The following CPS1 variants were observed in gnomAD, a reference collection of about 807,000 sequenced individuals.
The protein encoded by CPS1 is carbamoyl-phosphate synthase [ammonia], mitochondrial.
In CPS1, 109 loss-of-function variants were observed where a neutral mutation model predicts 174.6. The ratio of observed to expected loss-of-function variants is 0.62; its 90% CI spans 0.53 to 0.73. CPS1 has a LOEUF of 0.73. Ranked by LOEUF, CPS1 falls within the 30% of genes least tolerant of loss-of-function variation. The pLI is 0.00. For synonymous variants in CPS1, 637 were observed against 632.0 expected, an observed-to-expected ratio of 1.01 and a Z score of -0.12; for missense variants, 1,689 against 1,821.9, an observed-to-expected ratio of 0.93 and a Z score of 1.33.
chr2:210,615,200 G>A (rs902710399), intron 20 of CPS1, among the ~76,000 whole-genome samples: 2 of 152,000 alleles, frequency 1.3e-5, no homozygotes, highest in East Asian at 2.0e-4. Context: ...ACCTCACAGT[G>A]TAGATGGCCG....
At position 210,631,598 on chromosome 2, in the gene CPS1, A is replaced by G. The variant is rs981208170; in HGVS notation, c.2688-6104A>G. 5.3e-5 allele frequency among the ~76,000 whole-genome samples: 8 copies of G among 152,160 alleles called. No homozygotes were observed. The East Asian group carries it at 1.5e-3, about 29-fold the overall frequency. On this transcript the variant is annotated intron_variant, in intron 21 of 37. Coordinates refer to ENST00000233072, the MANE Select transcript of CPS1 (RefSeq NM_001875.5). ...TTTTTCACCTTCTAAAATTTCAGTC[A>G]TTTTGTGCTGCTAAGTAGAAAGAAA... is the stretch of plus-strand genomic sequence containing the variant.
At chr2:210,623,050 C>G (rs915448451) in intron 21 of CPS1, among the ~76,000 whole-genome samples, 2 of 152,008 alleles carry the variant, frequency 1.3e-5, no homozygotes, top group Admixed American at 1.3e-4. Context: ...AGATGGCCAG[C>G]CTCTGCTTTT....
chr2:210,537,464 C>T (rs527453716), intron 1 of CPS1, among the ~76,000 whole-genome samples: 15 of 152,284 alleles, frequency 9.9e-5, no homozygotes, highest in African/African-American at 2.6e-4. Flanking sequence ...GTCTGCCACA[C>T]ATAAGTAGCA....
At chr2:210,526,723 T>C (rs1046022054) in intron 1 of CPS1, among the ~76,000 whole-genome samples, 14 of 152,020 alleles carry the variant, frequency 9.2e-5, no homozygotes, top group Admixed American at 8.5e-4. Flanking sequence ...TGGGAAGCAG[T>C]AGGAAACTGA....
intron 1 of CPS1, among the ~76,000 whole-genome samples, chr2:210,481,573 G>A (rs1427640589): frequency 6.6e-6 from 1 of 152,222 alleles, no homozygotes. Flanking sequence ...GTACACCCTG[G>A]CAGGGGAGAG....
chr2:210,529,545 A>G (rs1035846024), intron 1 of CPS1, among the ~76,000 whole-genome samples: 4 of 152,006 alleles, frequency 2.6e-5, no homozygotes, highest in African/African-American at 9.7e-5. Context: ...GCATCTTGAG[A>G]GAAAACAATG....
chr2:210,537,541 T>G (rs1470721260), intron 1 of CPS1, among the ~76,000 whole-genome samples: 1 of 152,140 alleles, frequency 6.6e-6, no homozygotes, highest in Non-Finnish European at 1.5e-5. Context: ...GCTTTCTAGG[T>G]GTTACAGGTG....
intron 29 of CPS1, 63 bp downstream of exon 29, chr2:210,654,165 T>C: frequency 7.2e-7 from 1 of 1,391,978 alleles, no homozygotes; most frequent in Non-Finnish European, 1.0e-6. Context: ...TTTAACAATT[T>C]TGAAATATTG....
At chr2:210,663,298 C>T (rs1227304676) in intron 33 of CPS1, 101 bp downstream of exon 33, 3 of 1,130,192 alleles carry the variant, frequency 2.7e-6, no homozygotes, top group Non-Finnish European at 2.6e-6. Flanking sequence ...AAAACATCTG[C>T]TATCAGAGTA....
At chr2:210,594,332 A>G (rs1698410900) in intron 11 of CPS1, among the ~76,000 whole-genome samples, 176 bp from the exon 12 acceptor site, 3 of 151,946 alleles carry the variant, frequency 2.0e-5, no homozygotes, top group Admixed American at 2.0e-4. Flanking sequence ...TATTTGATTA[A>G]ATTCTCACAC....
chr2:210,595,346 TA>T, intron 12 of CPS1, 140 bp from the exon 13 acceptor site: 2 of 666,070 alleles, frequency 3.0e-6, no homozygotes, highest in East Asian at 5.3e-5. Context: ...TTTTTCCCTA[TA>T]TATTACATAT....
At chr2:210,616,156 G>A (rs969546684) in intron 20 of CPS1, among the ~76,000 whole-genome samples, 4 of 151,956 alleles carry the variant, frequency 2.6e-5, no homozygotes, top group African/African-American at 9.7e-5. Flanking sequence ...ATAAAGAGGA[G>A]CGAGTCAAAA....
intron 21 of CPS1, 131 bp from the exon 22 acceptor site, chr2:210,637,569 TAA>T: frequency 1.1e-6 from 1 of 948,664 alleles, no homozygotes; most frequent in Non-Finnish European, 1.7e-6. Flanking sequence ...TGTGTATTTT[TAA>T]AAGATAACAA....
At chr2:210,559,824 T>G (rs942415426) in intron 1 of CPS1, among the ~76,000 whole-genome samples, 2 of 152,274 alleles carry the variant, frequency 1.3e-5, no homozygotes, top group African/African-American at 4.8e-5. Flanking sequence ...ACTGATTTAC[T>G]TGACAAATTA....
At chr2:210,638,313 T>C (rs892679509) in intron 22 of CPS1, among the ~76,000 whole-genome samples, 10 of 152,170 alleles carry the variant, frequency 6.6e-5, no homozygotes, top group Non-Finnish European at 8.8e-5. Context: ...TAGTATTCAT[T>C]GTGATAGGGC....
intron 25 of CPS1, among the ~76,000 whole-genome samples, chr2:210,645,154 C>T (rs1005250315): frequency 2.0e-5 from 3 of 152,066 alleles, no homozygotes; most frequent in Admixed American, 6.6e-5. Flanking sequence ...TAACATTTTA[C>T]AAACATGTTC....
intron 1 of CPS1, among the ~76,000 whole-genome samples, chr2:210,526,521 G>A (rs896765859): frequency 7.2e-5 from 11 of 152,004 alleles, no homozygotes; most frequent in African/African-American, 1.2e-4. Context: ...TAATATGTCC[G>A]TTTTAACATA....
intron 1 of CPS1, among the ~76,000 whole-genome samples, chr2:210,480,804 G>C (rs1052868292): frequency 1.3e-5 from 2 of 152,116 alleles, no homozygotes; most frequent in Non-Finnish European, 2.9e-5. Context: ...TAAAGCAAGA[G>C]CATCTAAGCT....
chr2:210,662,116 A>G (rs778849476), intron 32 of CPS1, among the ~76,000 whole-genome samples: 2 of 151,792 alleles, frequency 1.3e-5, no homozygotes, highest in Admixed American at 6.6e-5. Flanking sequence ...GGGTTTTGCC[A>G]TGTTGGCAAA....
Sources: gnomAD v4.1 joint callset for allele counts (sites outside exome capture counted in the v4.1 genomes callset) on GRCh38, gnomAD v4.1.1 for gene constraint, MANE v1.5 for transcripts, NCBI Gene and HGNC (gene_info 2026-07-23, HGNC 2026-07-21) for gene names.